Variants in KCNU1 observed in about 807,000 individuals in gnomAD.
The protein encoded by KCNU1 is potassium channel subfamily U member 1.
A neutral mutation model predicts 126.8 loss-of-function variants in KCNU1; 93 were observed. The ratio of observed to expected loss-of-function variants is 0.73; its 90% CI spans 0.62 to 0.87. The LOEUF (loss-of-function observed/expected upper bound fraction) is 0.87. KCNU1 is among the 40% of genes least tolerant of loss of function. The probability of loss-of-function intolerance (pLI) is 0.00; values close to 1 mark genes in which losing one functional copy is unlikely to be tolerated. For synonymous variants in KCNU1, 523 were observed against 494.2 expected (o/e 1.06, Z -0.77); for missense variants, 1,330 against 1,367.1 (o/e 0.97, Z 0.43).
chr8:36,885,128 G>A (rs1806645907), intron 19 of KCNU1, among the ~76,000 whole-genome samples: 1 of 152,162 alleles, frequency 6.6e-6, no homozygotes, highest in Admixed American at 6.5e-5. Context: ...TATAGAATGA[G>A]AAACTCCTGG....
intron 19 of KCNU1, among the ~76,000 whole-genome samples, chr8:36,872,355 A>G (rs1306597219): frequency 1.3e-5 from 2 of 152,132 alleles, no homozygotes; most frequent in Non-Finnish European, 2.9e-5. Flanking sequence ...CCAATACCAC[A>G]TCTCGAAGCC....
intron 18 of KCNU1, among the ~76,000 whole-genome samples, chr8:36,863,749 A>T (rs553509119): frequency 1.3e-4 from 20 of 152,198 alleles, no homozygotes; most frequent in African/African-American, 4.8e-4. Context: ...ATTTTTCCCT[A>T]TTAAAGTGGC....
At chr8:36,928,389 G>T (rs1384115927) in intron 24 of KCNU1, among the ~76,000 whole-genome samples, 1 of 151,990 alleles carries the variant, frequency 6.6e-6, no homozygotes, top group African/African-American at 2.4e-5. Flanking sequence ...ACAGATTGTG[G>T]TTCAACCTGG....
chr8:36,797,602 C>A (rs1367488254), intron 2 of KCNU1, among the ~76,000 whole-genome samples: 1 of 151,480 alleles, frequency 6.6e-6, no homozygotes, highest in African/African-American at 2.4e-5. Context: ...GTTTTTCTTA[C>A]ATAACACACT....
chr8:36,922,433 C>G, intron 23 of KCNU1, 57 bp from the exon 24 acceptor site: 2 of 1,548,132 alleles, frequency 1.3e-6, no homozygotes, highest in Non-Finnish European at 8.7e-7. Context: ...ATGGATGGCA[C>G]TTCTTATATT....
chr8:36,808,203 G>A (rs775382699), intron 6 of KCNU1, among the ~76,000 whole-genome samples: 3 of 151,976 alleles, frequency 2.0e-5, no homozygotes, highest in Non-Finnish European at 4.4e-5. Flanking sequence ...AGGTGACAAG[G>A]GCCCCTCTGA....
chr8:36,935,703 T>C lies in KCNU1; in HGVS notation c.3233T>C (p.Ile1078Thr), dbSNP rs1808832905. The stretch of plus-strand genomic sequence containing the variant: ...TCAGACACAAATTGTCCTCCCACCA[T>C]TGATTCAGTTACTGAGACATTGTAT... Reference protein sequence around the residue: ...THSDTNCPPTIDSVTETLYSP... With the variant: ...THSDTNCPPTTDSVTETLYSP... Residue 1078 changes from isoleucine (I) to threonine (T), a missense_variant, in exon 27 of 27, where the codon ATT (isoleucine) becomes ACT (threonine). Ile to Thr is a moderately conservative substitution (Grantham distance 89). Around this residue, in one of 3 missense-constraint regions of KCNU1, gnomAD observed 1,054 missense variants for 1,053.9 expected, o/e 1.00. Coordinates refer to ENST00000399881, the MANE Select transcript of KCNU1 (RefSeq NM_001031836.3). The C allele has an allele frequency of 1.2e-6, 2 of 1,613,224 alleles. No individual in the cohort carries two copies. Among genetic ancestry groups the C allele is most frequent in the South Asian group, 1.1e-5 (1 of 91,062 alleles).
At chr8:36,931,963 C>T (rs1182074114) in intron 25 of KCNU1, among the ~76,000 whole-genome samples, 1 of 152,098 alleles carries the variant, frequency 6.6e-6, no homozygotes, top group African/African-American at 2.4e-5. Context: ...GTGGTGCCTT[C>T]TGGTTTGGTT....
At chr8:36,838,210 A>G (rs1407189276) in intron 14 of KCNU1, among the ~76,000 whole-genome samples, 1 of 152,190 alleles carries the variant, frequency 6.6e-6, no homozygotes, top group Non-Finnish European at 1.5e-5. Context: ...GGACACTGTC[A>G]TTGTGTTGTA....
chr8:36,926,344 C>G (rs929669479), intron 24 of KCNU1, among the ~76,000 whole-genome samples: 2 of 152,092 alleles, frequency 1.3e-5, no homozygotes, highest in African/African-American at 4.8e-5. Context: ...CAGGGATTTT[C>G]AAGTTTATTT....
At chr8:36,902,678 C>T (rs772353973) in intron 19 of KCNU1, among the ~76,000 whole-genome samples, 2 of 152,188 alleles carry the variant, frequency 1.3e-5, no homozygotes, top group African/African-American at 4.8e-5. Flanking sequence ...AGAGGTTCTA[C>T]GGATGAATTA....
At chr8:36,843,000 A>G (rs917391952) in intron 16 of KCNU1, among the ~76,000 whole-genome samples, 2 of 152,130 alleles carry the variant, frequency 1.3e-5, no homozygotes, top group African/African-American at 4.8e-5. Context: ...AGATTCCAAA[A>G]CCCTACTTTT....
intron 16 of KCNU1, among the ~76,000 whole-genome samples, chr8:36,844,016 T>G (rs955638917): frequency 6.6e-6 from 1 of 152,190 alleles, no homozygotes; most frequent in Non-Finnish European, 1.5e-5. Context: ...AATATATGTT[T>G]TATTGTGACA....
At chr8:36,930,292 C>T (rs532336289) in intron 24 of KCNU1, among the ~76,000 whole-genome samples, 1 of 152,110 alleles carries the variant, frequency 6.6e-6, no homozygotes, top group Non-Finnish European at 1.5e-5. Context: ...ATTATTCAGA[C>T]TCAAGCTCAT....
intron 22 of KCNU1, among the ~76,000 whole-genome samples, chr8:36,914,517 A>G (rs1304802826): frequency 6.6e-6 from 1 of 152,178 alleles, no homozygotes. Flanking sequence ...TGTAGTAATG[A>G]TAAACATAAA....
At chr8:36,793,906 TG>T (rs1182760052) in intron 2 of KCNU1, among the ~76,000 whole-genome samples, 5 of 151,760 alleles carry the variant, frequency 3.3e-5, no homozygotes, top group African/African-American at 9.7e-5. Flanking sequence ...ATGCAAAAAT[TG>T]GCCAGGCATG....
At chr8:36,833,486 TA>T in intron 10 of KCNU1, 67 bp from the exon 11 acceptor site, 1 of 893,738 alleles carries the variant, frequency 1.1e-6, no homozygotes, top group Non-Finnish European at 1.9e-6. Flanking sequence ...AAATTAGTTA[TA>T]AAAACCTCTA....
rs569640681 is a variant in KCNU1, at chr8:36,815,190, GCATGGTGGCAGGCACCTGTAGTCCCAGC to G, written c.904-403_904-376del. 1.2e-4 allele frequency among the ~76,000 whole-genome samples: 18 copies of G among 152,222 alleles called. 2 individuals are homozygous for G. The South Asian group carries it at 3.7e-3, about 32-fold the overall frequency. On this transcript the variant is annotated intron_variant, in intron 8 of 26. Transcript: ENST00000399881. ...TACTAAAAATATAAAAATCAGTCAG[GCATGGTGGCAGGCACCTGTAGTCCCAGC>G]CACTTGGGAGGCTGAGGCAGGAGAA...
chr8:36,799,853 A>G (rs2130383481), intron 2 of KCNU1, among the ~76,000 whole-genome samples: 1 of 151,880 alleles, frequency 6.6e-6, no homozygotes, highest in Middle Eastern at 3.4e-3. Context: ...TGCACTTTTA[A>G]TTATAATTTT....
Sources: allele counts gnomAD v4.1 joint callset (sites outside exome capture counted in the v4.1 genomes callset), GRCh38; gene constraint gnomAD v4.1.1; regional missense constraint gnomAD v4.1.1; transcripts MANE v1.5; gene names NCBI Gene and HGNC (gene_info 2026-07-23, HGNC 2026-07-21).